Variants in LRRC9 observed in about 807,000 individuals in gnomAD.
LRRC9 encodes the protein leucine-rich repeat-containing protein 9.
In LRRC9, 122 loss-of-function variants were observed where a neutral mutation model predicts 63.2. That is an observed-to-expected ratio of 1.93 (90% confidence interval 1.67 to 2.24). The LOEUF (loss-of-function observed/expected upper bound fraction) is 2.24, where lower values mean the gene tolerates loss of function less well. Among genes scored for constraint, LRRC9 ranks in the 30% most tolerant of loss-of-function variants. LRRC9 has a pLI of 0.00. For missense variants in LRRC9, 1,071 were observed against 627.7 expected (o/e 1.71, Z -7.55); for synonymous variants, 366 against 213.1 (o/e 1.72, Z -6.25).
Position 59,938,960 on chromosome 14 carries a change from C to CATATAT in LRRC9, c.726+389_726+390insTATATA, listed in dbSNP as rs61294339. 0.27 allele frequency among the ~76,000 whole-genome samples: 38,410 copies of CATATAT among 142,590 alleles called. 5,256 individuals carry two copies. The highest frequency in any genetic ancestry group is 0.32 in the African/African-American group (12,227 of 37,814). The allele number at this position is 142,590 out of a possible 152,430, so 93.5% of individuals were successfully genotyped here. A position where few individuals can be genotyped will look rare whatever the true frequency, so the allele number is the denominator to read the frequency against. On this transcript the variant is annotated intron_variant, in intron 7 of 31. Transcript: ENST00000445360. The surrounding 1 kb of genome is among the most constrained non-coding windows in gnomAD (Gnocchi z 4.2). ...ATATACATATACATACATATATACACACATATATACATATATACATATATA... is the reference window on the plus strand; with the variant it reads ...ATATACATATACATACATATATACACATATATACATATATACATATATACATATATA...
Position 59,959,860 on chromosome 14 carries a change from CACAGTGATGG to C in LRRC9, c.927_936del (p.Ser310ProfsTer6), listed in dbSNP as rs1566816347. The C allele has an allele frequency of 1.5e-6, 1 of 685,234 alleles. No homozygotes were observed. Among genetic ancestry groups the C allele is most frequent in the Non-Finnish European group, 2.6e-6 (1 of 377,398 alleles). The allele number at this position is 685,234 out of a possible 1,614,324, so 42.4% of individuals were successfully genotyped here. A position where few individuals can be genotyped will look rare whatever the true frequency, so the allele number is the denominator to read the frequency against. ...TGAACTCAAGGGCTCGGGCAAAGGG[CACAGTGATGG>C]ATCCAATAACAGTAAAGTAACTGAT... On this transcript the variant is annotated frameshift_variant, in exon 9 of 32. Transcript: ENST00000445360. LOFTEE classifies it high-confidence loss of function.
At chr14:59,979,860 T>A (rs976283766) in intron 15 of LRRC9, among the ~76,000 whole-genome samples, 1 of 150,872 alleles carries the variant, frequency 6.6e-6, no homozygotes, top group African/African-American at 2.4e-5. Flanking sequence ...GAGATATACC[T>A]AATGCTAAAT....
intron 29 of LRRC9, among the ~76,000 whole-genome samples, chr14:60,036,008 G>T (rs950259487): frequency 6.6e-6 from 1 of 152,092 alleles, no homozygotes; most frequent in African/African-American, 2.4e-5. Context: ...AGTTCCTGGT[G>T]AGGACCATCT....
intron 26 of LRRC9, 89 bp from the exon 27 acceptor site, chr14:60,022,644 GT>G: frequency 2.4e-6 from 1 of 422,886 alleles, no homozygotes; most frequent in Non-Finnish European, 4.2e-6. Flanking sequence ...CTTAACTTCA[GT>G]TTATAGTAAA....
At chr14:60,013,150 T>C (rs1041259404) in intron 23 of LRRC9, among the ~76,000 whole-genome samples, 6 of 147,230 alleles carry the variant, frequency 4.1e-5, no homozygotes, top group Non-Finnish European at 7.5e-5. Flanking sequence ...TATTTTGAGA[T>C]TTTATTATTG....
intron 29 of LRRC9, among the ~76,000 whole-genome samples, chr14:60,044,777 T>C (rs1893264571): frequency 6.6e-6 from 1 of 152,230 alleles, no homozygotes; most frequent in Non-Finnish European, 1.5e-5. Flanking sequence ...TTGGGTGAAA[T>C]GTTTATAAAT....
In LRRC9 at chr14:59,974,584, CA is replaced by C; in HGVS notation, c.1521del (p.Glu508LysfsTer9). 1.2e-5 allele frequency: 8 copies of C among 643,566 alleles called. No individual in the cohort carries two copies. The highest frequency in any genetic ancestry group is 2.8e-5 in the East Asian group (1 of 35,094). The allele number at this position is 643,566 out of a possible 1,614,324, so 39.9% of individuals were successfully genotyped here. A position where few individuals can be genotyped will look rare whatever the true frequency, so the allele number is the denominator to read the frequency against. ...TTGTTTTTTCTTTGCAGCTGCCTCTCAAAAAAGAAGCCATCATTGTTTCTAA... is the reference window on the plus strand; with the variant it reads ...TTGTTTTTTCTTTGCAGCTGCCTCTCAAAAAGAAGCCATCATTGTTTCTAA... On this transcript the variant is annotated frameshift_variant, in exon 13 of 32. Transcript: ENST00000445360. LOFTEE classifies it high-confidence loss of function.
At chr14:59,968,629 G>A (rs1885120167) in intron 12 of LRRC9, among the ~76,000 whole-genome samples, 1 of 152,156 alleles carries the variant, frequency 6.6e-6, no homozygotes, top group Non-Finnish European at 1.5e-5. Flanking sequence ...GTACTTTATG[G>A]AGAAGTAAGA....
intron 29 of LRRC9, among the ~76,000 whole-genome samples, chr14:60,035,521 G>A (rs149110425): frequency 2.0e-5 from 3 of 152,252 alleles, no homozygotes; most frequent in Non-Finnish European, 4.4e-5. Flanking sequence ...TTTGTATATA[G>A]TGAGAGACAG....
chr14:60,064,947 A>G (rs1419185572), downstream of LRRC9, among the ~76,000 whole-genome samples: 2 of 152,136 alleles, frequency 1.3e-5, no homozygotes, highest in Non-Finnish European at 2.9e-5. Flanking sequence ...CATAACTTAC[A>G]CTGTATTCAC....
intron 23 of LRRC9, among the ~76,000 whole-genome samples, chr14:60,011,373 G>A (rs577220277): frequency 1.3e-5 from 2 of 152,250 alleles, no homozygotes; most frequent in South Asian, 4.1e-4. Context: ...CACAACACAA[G>A]TGGATTATTA....
At chr14:59,933,427 C>T (rs1022921809) in intron 6 of LRRC9, among the ~76,000 whole-genome samples, 34 of 152,114 alleles carry the variant, frequency 2.2e-4, no homozygotes, top group Admixed American at 1.8e-3. Context: ...AATAAAGGGA[C>T]TTAATGTTTA....
At chr14:60,021,017 A>C (rs531014363) in intron 26 of LRRC9, among the ~76,000 whole-genome samples, 14 of 152,054 alleles carry the variant, frequency 9.2e-5, no homozygotes, top group African/African-American at 2.6e-4. Context: ...CTATGAGTGG[A>C]ATGGTTGGGT....
intron 21 of LRRC9, among the ~76,000 whole-genome samples, chr14:60,005,650 T>C (rs1403947396): frequency 5.9e-5 from 9 of 152,126 alleles, no homozygotes; most frequent in Admixed American, 5.9e-4. Context: ...AGATAATTAT[T>C]TGATACTTTC....
intron 15 of LRRC9, among the ~76,000 whole-genome samples, chr14:59,981,120 T>A (rs1440986473): frequency 6.6e-6 from 1 of 152,170 alleles, no homozygotes; most frequent in Non-Finnish European, 1.5e-5. Context: ...ATTTTTAAAT[T>A]ATTTGTTTTG....
intron 22 of LRRC9, chr14:60,006,829 G>A (rs540551471): frequency 3.0e-6 from 1 of 335,846 alleles, no homozygotes; most frequent in South Asian, 6.7e-5. Context: ...TATCCTTCTG[G>A]GGTAACTTTT....
At position 59,958,012 on chromosome 14, in the gene LRRC9, A is replaced by G. The variant is rs951958635; in HGVS notation, c.883-1806A>G. On this transcript the variant is annotated intron_variant, in intron 8 of 31. Coordinates refer to ENST00000445360, the Ensembl canonical transcript of LRRC9. The surrounding 1 kb of genome is among the most constrained non-coding windows in gnomAD (Gnocchi z 4.0). Reference sequence around the variant, plus strand: ...CCTTCCTCTGGAAGCTTCATCCTGAAGGAGCACTGGCCTGATGCCAACCAG... The same window carrying G: ...CCTTCCTCTGGAAGCTTCATCCTGAGGGAGCACTGGCCTGATGCCAACCAG... 6.6e-6 allele frequency among the ~76,000 whole-genome samples: 1 copy of G among 152,180 alleles called. No homozygotes were observed. The highest frequency in any genetic ancestry group is 2.4e-5 in the African/African-American group (1 of 41,450).
At chr14:59,960,062 T>A (rs1884195431) in intron 9 of LRRC9, 48 bp downstream of exon 9, 1 of 585,412 alleles carries the variant, frequency 1.7e-6, no homozygotes, top group East Asian at 2.8e-5. Flanking sequence ...ATGGAGAGAA[T>A]CAGAATGTTT....
chr14:60,011,829 T>A lies in LRRC9; in HGVS notation c.3186+3615T>A, dbSNP rs185200248. Among the ~76,000 whole-genome samples, 177 of 152,246 alleles carry A rather than the reference T, an allele frequency of 1.2e-3. 5 individuals are homozygous for A. In the East Asian group the frequency reaches 0.03, roughly 26 times the overall value. The stretch of plus-strand genomic sequence containing the variant: ...AATATGAATATAGGAAGAAAAGCAA[T>A]TTGGGGGTGTAAGATGATTAGTATT... On this transcript the variant is annotated intron_variant, in intron 23 of 31. Coordinates refer to ENST00000445360, the Ensembl canonical transcript of LRRC9.
Sources: allele counts gnomAD v4.1 joint callset (sites outside exome capture counted in the v4.1 genomes callset), GRCh38; gene constraint gnomAD v4.1.1; non-coding constraint Gnocchi (gnomAD v3.1); transcripts MANE v1.5; gene names NCBI Gene and HGNC (gene_info 2026-07-23, HGNC 2026-07-21).